Variants in TICAM2 observed in about 807,000 individuals in gnomAD.
TICAM2 encodes the protein TIR domain containing adaptor molecule 2.
Under a neutral mutation model 7.3 loss-of-function variants are expected in TICAM2, and 8 were observed. That is an observed-to-expected ratio of 1.10 (90% CI 0.65 to 1.99). The LOEUF (loss-of-function observed/expected upper bound fraction) is 1.99. Among genes scored for constraint, TICAM2 ranks in the 30% most tolerant of loss-of-function variants. TICAM2 has a pLI of 0.00. For synonymous variants in TICAM2, 113 were observed against 99.6 expected (o/e 1.13, Z -0.80); for missense variants, 304 against 278.8 (o/e 1.09, Z -0.65).
chr5:115,599,736 A>C (rs1017911288), intron 1 of TICAM2, among the ~76,000 whole-genome samples: 1 of 152,234 alleles, frequency 6.6e-6, no homozygotes, highest in Non-Finnish European at 1.5e-5. Flanking sequence ...ACAGCAGCAC[A>C]ATCAGTGTTA....
intron 1 of TICAM2, among the ~76,000 whole-genome samples, chr5:115,591,101 C>T (rs1442675089): frequency 1.3e-5 from 2 of 152,132 alleles, no homozygotes; most frequent in Admixed American, 1.3e-4. Context: ...CATCAGAGAA[C>T]TAATGACATA....
Position 115,581,212 on chromosome 5 carries a change from G to T in TICAM2, c.45C>A (p.Leu15=). 6.2e-7 allele frequency: 1 copy of T among 1,611,988 alleles called. No individual in the cohort carries two copies. ...KSKINSCPLS[L]SWGKRHSVDT... Reference sequence around the variant, plus strand: ...CCACACTGTGCCTTTTACCCCAAGAGAGAGAAAGAGGGCAGGAATTTATTT... The same window carrying T: ...CCACACTGTGCCTTTTACCCCAAGATAGAGAAAGAGGGCAGGAATTTATTT... Residue 15 remains leucine (L), a synonymous_variant, in exon 2 of 2, where the codon CTC becomes CTA. Coordinates refer to ENST00000427199, the MANE Select transcript of TICAM2 (RefSeq NM_021649.7).
At position 115,580,583 on chromosome 5, in the gene TICAM2, G is replaced by C. The variant is rs201497714; in HGVS notation, c.674C>G (p.Thr225Arg). 1.3e-6 allele frequency: 2 copies of C among 1,599,520 alleles called. No individual in the cohort carries two copies. Among genetic ancestry groups the C allele is most frequent in the Admixed American group, 3.6e-5 (2 of 56,004 alleles). Reference protein sequence around the residue: ...YKTQQTIWKETRNMVQRQFIA With the variant: ...YKTQQTIWKERRNMVQRQFIA The stretch of plus-strand genomic sequence containing the variant: ...AAATTGTCTTTGTACCATATTTCTT[G>C]TCTCTTTCCATATAGTTTGTTGTGT... Residue 225 changes from threonine to arginine, a missense_variant, in exon 2 of 2, where the codon ACA becomes AGA. Transcript: ENST00000427199.
chr5:115,590,853 A>G (rs1195160322), intron 1 of TICAM2, among the ~76,000 whole-genome samples: 1 of 152,238 alleles, frequency 6.6e-6, no homozygotes, highest in Non-Finnish European at 1.5e-5. Flanking sequence ...TAAAGTCACT[A>G]AAGGCATTTC....
rs1754878889 is a variant in TICAM2, at chr5:115,580,565, C to T, written c.692G>A (p.Arg231Lys). 2 of 1,596,972 alleles carry T rather than the reference C, an allele frequency of 1.3e-6. No individual in the cohort carries two copies. Among genetic ancestry groups the T allele is most frequent in the East Asian group, 2.2e-5 (1 of 44,576 alleles). The change falls in exon 2 of 2, where the codon AGA becomes AAA. Residue 231 changes from arginine (R) to lysine (K), a missense_variant. Coordinates refer to ENST00000427199, the MANE Select transcript of TICAM2 (RefSeq NM_021649.7). ...TGTTTCATCTCAGGCAATAAATTGT[C>T]TTTGTACCATATTTCTTGTCTCTTT... is the stretch of plus-strand genomic sequence containing the variant. ...IWKETRNMVQRQFIA is the reference protein window; with the variant it reads ...IWKETRNMVQKQFIA
chr5:115,594,891 G>T (rs1031005425), intron 1 of TICAM2, among the ~76,000 whole-genome samples: 10 of 152,106 alleles, frequency 6.6e-5, no homozygotes, highest in Non-Finnish European at 1.5e-4. Context: ...GACTTTAGGA[G>T]ATTTTTTTTT....
intron 1 of TICAM2, among the ~76,000 whole-genome samples, chr5:115,600,254 T>C (rs780949716): frequency 6.6e-6 from 1 of 152,202 alleles, no homozygotes; most frequent in Non-Finnish European, 1.5e-5. Context: ...GTTCTATCTG[T>C]CCATACTAAA....
chr5:115,597,092 G>A (rs1755539598), intron 1 of TICAM2, among the ~76,000 whole-genome samples: 1 of 152,136 alleles, frequency 6.6e-6, no homozygotes, highest in Non-Finnish European at 1.5e-5. Flanking sequence ...AAACAATTAT[G>A]TAAACCTCCT....
At chr5:115,584,122 C>G (rs1755022792) in intron 1 of TICAM2, among the ~76,000 whole-genome samples, 2 of 152,170 alleles carry the variant, frequency 1.3e-5, no homozygotes, top group Admixed American at 1.3e-4. Flanking sequence ...TCTCCTGCAT[C>G]TTTCCACTGT....
chr5:115,593,010 C>T lies in TICAM2; in HGVS notation c.-60+9087G>A, dbSNP rs59620445. On this transcript the variant is annotated intron_variant, in intron 1 of 1. Transcript: ENST00000427199. ...ATACAAAAATTAGCTAGGTGTGGTG[C>T]CGCATGCCTGTAATCCCAGCTACTC... 3.6e-3 allele frequency among the ~76,000 whole-genome samples: 553 copies of T among 152,184 alleles called. 6 individuals carry two copies. The highest frequency in any genetic ancestry group is 0.012 in the African/African-American group (512 of 41,536).
chr5:115,590,222 A>C (rs1357423266), intron 1 of TICAM2, among the ~76,000 whole-genome samples: 1 of 152,150 alleles, frequency 6.6e-6, no homozygotes, highest in Non-Finnish European at 1.5e-5. Context: ...AAGAATGAGG[A>C]TCACTTGAGC....
chr5:115,590,903 C>G (rs1755277705), intron 1 of TICAM2, among the ~76,000 whole-genome samples: 2 of 152,200 alleles, frequency 1.3e-5, no homozygotes, highest in Admixed American at 1.3e-4. Flanking sequence ...GTCAGTCTCT[C>G]TCTCTCATCT....
chr5:115,584,922 A>C (rs1021848998), intron 1 of TICAM2, among the ~76,000 whole-genome samples: 2 of 152,198 alleles, frequency 1.3e-5, no homozygotes, highest in Non-Finnish European at 2.9e-5. Context: ...AAAAAACAAC[A>C]TGGCAAATAT....
intron 1 of TICAM2, among the ~76,000 whole-genome samples, chr5:115,589,146 C>G (rs913617292): frequency 2.6e-5 from 4 of 152,186 alleles, no homozygotes; most frequent in African/African-American, 9.7e-5. Flanking sequence ...TTGTCTGTGG[C>G]TTATTTCATA....
At chr5:115,599,934 G>A (rs1360330655) in intron 1 of TICAM2, among the ~76,000 whole-genome samples, 1 of 151,770 alleles carries the variant, frequency 6.6e-6, no homozygotes, top group Non-Finnish European at 1.5e-5. Context: ...TTCTGAGTAT[G>A]TATGACAAAA....
intron 1 of TICAM2, among the ~76,000 whole-genome samples, chr5:115,585,500 G>C (rs1755070895): frequency 6.6e-6 from 1 of 152,204 alleles, no homozygotes; most frequent in Admixed American, 6.5e-5. Flanking sequence ...ACATTCTGGT[G>C]CATGCTTCTT....
intron 1 of TICAM2, among the ~76,000 whole-genome samples, chr5:115,590,327 G>A (rs566761449): frequency 1.5e-4 from 23 of 152,200 alleles, no homozygotes; most frequent in South Asian, 1.5e-3. Context: ...AAAAAGTTAC[G>A]TGAATATAAA....
At chr5:115,583,532 G>C (rs571874072) in intron 1 of TICAM2, among the ~76,000 whole-genome samples, 1 of 152,306 alleles carries the variant, frequency 6.6e-6, no homozygotes, top group East Asian at 1.9e-4. Flanking sequence ...ATCAGACCGA[G>C]AGAAAAAAAC....
Position 115,578,777 on chromosome 5 carries a change from A to AG in TICAM2, c.*1771_*1772insC, listed in dbSNP as rs1754811330. 1 of 56,202 alleles carries AG rather than the reference A, an allele frequency of 1.8e-5. No homozygotes were observed. The highest frequency in any genetic ancestry group is 5.6e-4 in the South Asian group (1 of 1,772). The allele number at this position is 56,202 out of a possible 1,614,324, so 3.5% of individuals were successfully genotyped here. ...TTGGCTTTACAGGAAGCATTATGGC[A>AG]AAAAAATGAATACTTATTATGAAAA... is the stretch of plus-strand genomic sequence containing the variant. On this transcript the variant is annotated 3_prime_UTR_variant, in exon 2 of 2. Transcript: ENST00000427199.
Sources: allele counts gnomAD v4.1 joint callset (sites outside exome capture counted in the v4.1 genomes callset), GRCh38; gene constraint gnomAD v4.1.1; transcripts MANE v1.5; gene names NCBI Gene and HGNC (gene_info 2026-07-23, HGNC 2026-07-21).